Variants in ZYG11B observed in about 807,000 individuals in gnomAD.
ZYG11B encodes the protein zyg-11 family member B, cell cycle regulator.
A neutral mutation model predicts 82.4 loss-of-function variants in ZYG11B; 36 were observed. That is an observed-to-expected ratio of 0.44 (90% CI 0.33 to 0.58). The LOEUF is 0.58. Ranked by LOEUF, ZYG11B falls within the 20% of genes least tolerant of loss-of-function variation. The pLI is 0.02. For missense variants in ZYG11B, 552 were observed against 895.6 expected (o/e 0.62, Z 4.90); for synonymous variants, 303 against 312.8 (o/e 0.97, Z 0.33).
intron 10 of ZYG11B, among the ~76,000 whole-genome samples, chr1:52,803,229 CATATATATATACACACACACATATAT>C: frequency 1.5e-5 from 1 of 65,190 alleles, no homozygotes; most frequent in Non-Finnish European, 2.4e-5. Context: ...TATATACACA[CATATATATATACACACACACATATAT>C]ATATATATAT....
At chr1:52,777,141 T>C (rs1644817068) in intron 3 of ZYG11B, among the ~76,000 whole-genome samples, 1 of 151,526 alleles carries the variant, frequency 6.6e-6, no homozygotes, top group Admixed American at 6.6e-5. Flanking sequence ...ACCCGGGAAG[T>C]AGAGGTTGCA....
intron 10 of ZYG11B, among the ~76,000 whole-genome samples, chr1:52,802,506 A>G (rs952892900): frequency 2.0e-5 from 3 of 151,750 alleles, no homozygotes; most frequent in Admixed American, 6.6e-5. Flanking sequence ...GTGCACCACA[A>G]TGCCCAGCTA....
At chr1:52,731,265 G>T (rs1335450791) in intron 1 of ZYG11B, among the ~76,000 whole-genome samples, 1 of 141,068 alleles carries the variant, frequency 7.1e-6, no homozygotes, top group Non-Finnish European at 1.5e-5. Flanking sequence ...ACAGAGTGAG[G>T]CTCCATCTCA....
At chr1:52,801,786 G>A (rs1172276444) in intron 8 of ZYG11B, 33 bp from the exon 9 acceptor site, 3 of 1,544,046 alleles carry the variant, frequency 1.9e-6, no homozygotes, top group Non-Finnish European at 2.6e-6. Context: ...CAGTTCAAAA[G>A]TGAAAACTTA....
chr1:52,808,184 G>A (rs1035632124), intron 10 of ZYG11B, among the ~76,000 whole-genome samples: 7 of 152,086 alleles, frequency 4.6e-5, no homozygotes, highest in Admixed American at 1.3e-4. Flanking sequence ...CCAACATGGC[G>A]AAACTCCATC....
At chr1:52,783,874 G>A (rs889412408) in intron 4 of ZYG11B, among the ~76,000 whole-genome samples, 5 of 105,314 alleles carry the variant, frequency 4.7e-5, no homozygotes, top group African/African-American at 1.2e-4. Context: ...GTACATACAC[G>A]TGTGTGTATA....
intron 1 of ZYG11B, among the ~76,000 whole-genome samples, chr1:52,730,971 T>C (rs1644326957): frequency 6.6e-6 from 1 of 151,898 alleles, no homozygotes; most frequent in East Asian, 1.9e-4. Flanking sequence ...GTAGGAGTTA[T>C]GTAAAGAATA....
chr1:52,818,865 C>G (rs532387569), intron 13 of ZYG11B, among the ~76,000 whole-genome samples: 1 of 150,734 alleles, frequency 6.6e-6, no homozygotes, highest in South Asian at 2.1e-4. Flanking sequence ...ACGATCTCAG[C>G]TCACCACAAC....
At chr1:52,734,591 A>G (rs1269016146) in intron 1 of ZYG11B, among the ~76,000 whole-genome samples, 2 of 151,596 alleles carry the variant, frequency 1.3e-5, no homozygotes, top group Non-Finnish European at 2.9e-5. Flanking sequence ...CGGAGGTTGC[A>G]GTGAGCCGAG....
intron 3 of ZYG11B, among the ~76,000 whole-genome samples, chr1:52,779,612 T>A (rs1644838618): frequency 6.6e-6 from 1 of 152,158 alleles, no homozygotes; most frequent in Non-Finnish European, 1.5e-5. Context: ...TGCCTCAGCC[T>A]CCTGAGTAGC....
Position 52,801,801 on chromosome 1 carries a change from T to TG in ZYG11B, c.1486-17dup. ...CAGTTCAAAAGTGAAAACTTATTTC[T>TG]GTTTTTTTTTTTTTCAGCAACTTCT... On this transcript the variant is annotated splice_polypyrimidine_tract_variant and intron_variant, in intron 8 of 13. Coordinates refer to ENST00000294353, the MANE Select transcript of ZYG11B (RefSeq NM_024646.3). 1.9e-6 allele frequency: 3 copies of TG among 1,542,136 alleles called. No homozygotes were observed. The highest frequency in any genetic ancestry group is 1.8e-6 in the Non-Finnish European group (2 of 1,140,860).
At chr1:52,764,549 A>T (rs1431398200) in intron 2 of ZYG11B, among the ~76,000 whole-genome samples, 1 of 152,148 alleles carries the variant, frequency 6.6e-6, no homozygotes, top group Non-Finnish European at 1.5e-5. Flanking sequence ...CTGCAAGTCT[A>T]AGATTCCTCA....
intron 10 of ZYG11B, among the ~76,000 whole-genome samples, chr1:52,806,729 T>A (rs1052732584): frequency 1.1e-4 from 17 of 152,336 alleles, no homozygotes; most frequent in African/African-American, 3.6e-4. Flanking sequence ...TTCTTGTAGA[T>A]AGCATATACC....
intron 6 of ZYG11B, among the ~76,000 whole-genome samples, chr1:52,792,368 T>C (rs922404404): frequency 2.0e-5 from 3 of 152,206 alleles, no homozygotes; most frequent in African/African-American, 7.2e-5. Context: ...CTGTTAGTTA[T>C]GGCACTTGAG....
At chr1:52,780,307 A>G (rs1418525379) in intron 4 of ZYG11B, among the ~76,000 whole-genome samples, 1 of 152,160 alleles carries the variant, frequency 6.6e-6, no homozygotes, top group Admixed American at 6.6e-5. Flanking sequence ...GAATCAGGAC[A>G]CTGTATTGTA....
chr1:52,765,844 C>G (rs1001359400), intron 2 of ZYG11B, among the ~76,000 whole-genome samples: 7 of 152,280 alleles, frequency 4.6e-5, no homozygotes, highest in Admixed American at 1.3e-4. Flanking sequence ...TGTCTTTCTC[C>G]TGTCCTTGAG....
chr1:52,734,761 T>C (rs1644364403), intron 1 of ZYG11B, among the ~76,000 whole-genome samples: 1 of 152,086 alleles, frequency 6.6e-6, no homozygotes, highest in Non-Finnish European at 1.5e-5. Context: ...GGAGTTTCGC[T>C]CTTGTTGCCC....
At chr1:52,800,846 A>G (rs1645070211) in intron 8 of ZYG11B, among the ~76,000 whole-genome samples, 1 of 152,044 alleles carries the variant, frequency 6.6e-6, no homozygotes, top group Non-Finnish European at 1.5e-5. Flanking sequence ...AATAGTAGTG[A>G]TACCTAACTA....
intron 1 of ZYG11B, among the ~76,000 whole-genome samples, chr1:52,732,759 G>A (rs191334738): frequency 6.6e-5 from 10 of 150,410 alleles, no homozygotes; most frequent in African/African-American, 2.0e-4. Context: ...GCAAGACTCT[G>A]TCTCAAAAAA....
Sources: gnomAD v4.1 joint callset for allele counts (sites outside exome capture counted in the v4.1 genomes callset) on GRCh38, gnomAD v4.1.1 for gene constraint, MANE v1.5 for transcripts, NCBI Gene and HGNC (gene_info 2026-07-23, HGNC 2026-07-21) for gene names.